ROR2: variants seen among roughly 807,000 people sequenced by gnomAD.
ROR2 encodes the protein ROR family WNT receptor 2.
ROR2 carries 33 observed loss-of-function variants against 74.9 expected under a neutral mutation model. That is an observed-to-expected ratio of 0.44 (90% confidence interval 0.33 to 0.59). The LOEUF (loss-of-function observed/expected upper bound fraction) is 0.59. ROR2 is among the 20% of genes least tolerant of loss of function. The pLI is 0.02. For missense variants in ROR2, 1,216 were observed against 1,313.8 expected, an observed-to-expected ratio of 0.93 and a Z score of 1.15; for synonymous variants, 586 against 558.7, an observed-to-expected ratio of 1.05 and a Z score of -0.69.
intron 1 of ROR2, among the ~76,000 whole-genome samples, chr9:91,779,768 A>C (rs1192688348): frequency 6.6e-6 from 1 of 152,160 alleles, no homozygotes; most frequent in Non-Finnish European, 1.5e-5. Flanking sequence ...TCTGACACAG[A>C]TTCACTGGAT....
chr9:91,722,622 A>C lies in ROR2; in HGVS notation c.*1040T>G, dbSNP rs748129486. On this transcript the variant is annotated 3_prime_UTR_variant, in exon 9 of 9. Transcript: ENST00000375708. The stretch of plus-strand genomic sequence containing the variant: ...CACATGCTTTGTTTCACTTTATTGG[A>C]TACACCGGGTGTGGGATTTACAAAT... 18 of 779,764 alleles carry C rather than the reference A, an allele frequency of 2.3e-5. No homozygotes were observed. Among genetic ancestry groups the C allele is most frequent in the Non-Finnish European group, 3.3e-5 (14 of 417,972 alleles). 48.3% of individuals were successfully genotyped at this position (779,764 alleles called of 1,614,324 possible).
chr9:91,848,623 G>A (rs1315594561), intron 1 of ROR2, among the ~76,000 whole-genome samples: 1 of 152,128 alleles, frequency 6.6e-6, no homozygotes, highest in Non-Finnish European at 1.5e-5. Flanking sequence ...GTGTGGTGGT[G>A]CATGCCCATA....
intron 5 of ROR2, among the ~76,000 whole-genome samples, chr9:91,734,841 A>G (rs1459015380): frequency 1.3e-5 from 2 of 152,326 alleles, no homozygotes; most frequent in South Asian, 2.1e-4. Context: ...TGCAGGCACT[A>G]CTGTGCTCAT....
rs1282054826 is a variant in ROR2, at chr9:91,723,920, C to T, written c.2574G>A (p.Lys858=). 6.2e-7 allele frequency: 1 copy of T among 1,613,862 alleles called. No individual in the cohort carries two copies. The highest frequency in any genetic ancestry group is 1.7e-5 in the Admixed American group (1 of 60,030). ...PQQVPPQMVP[K]PSSHHSGSGS... Reference sequence around the variant, plus strand: ...CACTGCCACTGTGGTGTGAGCTGGGCTTGGGGACCATCTGAGGAGGCACCT... The same window carrying T: ...CACTGCCACTGTGGTGTGAGCTGGGTTTGGGGACCATCTGAGGAGGCACCT... Residue 858 remains lysine (K), a synonymous_variant, in exon 9 of 9, where the codon AAG becomes AAA. Coordinates refer to ENST00000375708, the MANE Select transcript of ROR2 (RefSeq NM_004560.4).
chr9:91,900,492 TGCACGTGGG>T (rs1830649019), intron 1 of ROR2, among the ~76,000 whole-genome samples: 1 of 152,206 alleles, frequency 6.6e-6, no homozygotes, highest in Non-Finnish European at 1.5e-5. Flanking sequence ...GCGCCGGGCC[TGCACGTGGG>T]ACCCGCAGGA....
chr9:91,878,799 C>T (rs926636752), intron 1 of ROR2, among the ~76,000 whole-genome samples: 19 of 152,290 alleles, frequency 1.2e-4, no homozygotes, highest in African/African-American at 3.6e-4. Flanking sequence ...AGACGGGGGC[C>T]GGGCGCAGTG....
At chr9:91,804,628 C>T (rs1219458502) in intron 1 of ROR2, among the ~76,000 whole-genome samples, 1 of 152,228 alleles carries the variant, frequency 6.6e-6, no homozygotes, top group Non-Finnish European at 1.5e-5. Flanking sequence ...CTTCACTGTG[C>T]AGCTGCCTTG....
Position 91,731,139 on chromosome 9 carries a change from G to A in ROR2, c.954C>T (p.Asn318=), listed in dbSNP as rs553026289. 17 of 1,614,038 alleles carry A rather than the reference G, an allele frequency of 1.1e-5. 1 individual carries two copies. The South Asian group carries it at 1.5e-4, about 15-fold the overall frequency. The part of the protein sequence containing the change: ...ERLGRYHQCY[N]GSGMDYRGTA... ...TTCCTCTGTAATCCATGCCTGAGCC[G>A]TTATAGCACTGATGGTCTGAACAAG... Residue 318 remains asparagine (N), a synonymous_variant, in exon 7 of 9, where the codon AAC becomes AAT. Transcript: ENST00000375708.
chr9:91,897,560 A>T (rs1030348760), intron 1 of ROR2, among the ~76,000 whole-genome samples: 5 of 144,086 alleles, frequency 3.5e-5, no homozygotes, highest in Non-Finnish European at 6.1e-5. Context: ...CAGGATTTGG[A>T]AGTGGGTGGG....
intron 1 of ROR2, among the ~76,000 whole-genome samples, chr9:91,823,628 AG>A: frequency 6.6e-6 from 1 of 152,170 alleles, no homozygotes. Flanking sequence ...AGGAGCAGAG[AG>A]GAAGTGGGGG....
intron 1 of ROR2, among the ~76,000 whole-genome samples, chr9:91,927,006 G>T (rs1831423101): frequency 6.6e-6 from 1 of 152,158 alleles, no homozygotes; most frequent in Admixed American, 6.5e-5. Flanking sequence ...CACATTCTAT[G>T]TTTTGTGTAT....
rs34687056 is a variant in ROR2, at chr9:91,829,549, C to CAAAAAAAAAAAAAA, written c.98-53745_98-53732dup. On this transcript the variant is annotated intron_variant, in intron 1 of 8. Coordinates refer to ENST00000375708, the MANE Select transcript of ROR2 (RefSeq NM_004560.4). ...TGGGTGACACAGCGAGACTCCGTCT[C>CAAAAAAAAAAAAAA]AAAAAAAAAAAAAAAAAAAAAAAAG... is the stretch of plus-strand genomic sequence containing the variant. Among the ~76,000 whole-genome samples the CAAAAAAAAAAAAAA allele has an allele frequency of 2.3e-3, 94 of 40,512 alleles. 13 individuals are homozygous for CAAAAAAAAAAAAAA. Among genetic ancestry groups the CAAAAAAAAAAAAAA allele is most frequent in the African/African-American group, 5.5e-3 (56 of 10,194 alleles). 26.6% of individuals were successfully genotyped at this position (40,512 alleles called of 152,430 possible).
chr9:91,900,002 G>T (rs1830631873), intron 1 of ROR2, among the ~76,000 whole-genome samples: 1 of 152,150 alleles, frequency 6.6e-6, no homozygotes, highest in Non-Finnish European at 1.5e-5. Context: ...GTGAATGCAG[G>T]CTTGATAATT....
rs536121878 is a variant in ROR2, at chr9:91,922,045, ACCACT to A, written c.97+27817_97+27821del. Reference sequence around the variant, plus strand: ...ATGCAAATCAAAATCACAATGAGAGACCACTCCACAGCCATTAGGACTAGGACGAC... The same window carrying A: ...ATGCAAATCAAAATCACAATGAGAGACCACAGCCATTAGGACTAGGACGAC... On this transcript the variant is annotated intron_variant, in intron 1 of 8. Transcript: ENST00000375708. Among the ~76,000 whole-genome samples, 44 of 152,144 alleles carry A rather than the reference ACCACT, an allele frequency of 2.9e-4. 2 individuals are homozygous for A. The Middle Eastern group carries it at 0.014, about 47-fold the overall frequency.
intron 1 of ROR2, among the ~76,000 whole-genome samples, chr9:91,779,089 G>C (rs1286343712): frequency 6.6e-6 from 1 of 152,062 alleles, no homozygotes; most frequent in Non-Finnish European, 1.5e-5. Context: ...TAAAAACTAA[G>C]GGAAAATGAA....
At chr9:91,758,014 G>A (rs1825814931) in intron 2 of ROR2, among the ~76,000 whole-genome samples, 1 of 152,158 alleles carries the variant, frequency 6.6e-6, no homozygotes, top group African/African-American at 2.4e-5. Context: ...CCACTTCAGT[G>A]CTGTGCCTGG....
intron 1 of ROR2, among the ~76,000 whole-genome samples, chr9:91,941,029 G>A (rs1281080387): frequency 5.7e-5 from 7 of 123,294 alleles, no homozygotes; most frequent in Admixed American, 2.1e-4. Flanking sequence ...ATGGAGTCTC[G>A]CTCTTTCACC....
intron 1 of ROR2, among the ~76,000 whole-genome samples, chr9:91,947,831 C>T (rs1201540404): frequency 6.6e-6 from 1 of 152,188 alleles, no homozygotes; most frequent in Admixed American, 6.5e-5. Context: ...AGGGACTCCT[C>T]TTTTCACAGC....
At chr9:91,836,743 A>C (rs558789782) in intron 1 of ROR2, among the ~76,000 whole-genome samples, 1 of 152,310 alleles carries the variant, frequency 6.6e-6, no homozygotes, top group Non-Finnish European at 1.5e-5. Context: ...CATTGGGGCG[A>C]GTTCTGGAAC....
Sources: gnomAD v4.1 joint callset for allele counts (sites outside exome capture counted in the v4.1 genomes callset) on GRCh38, gnomAD v4.1.1 for gene constraint, MANE v1.5 for transcripts, NCBI Gene and HGNC (gene_info 2026-07-23, HGNC 2026-07-21) for gene names.